Variants in LRCH1 observed in about 807,000 individuals in gnomAD.
LRCH1 encodes the protein leucine rich repeats and calponin homology domain containing 1, also known as leucine-rich repeat and calponin homology domain-containing protein 1.
LRCH1 carries 23 observed loss-of-function variants against 94.9 expected under a neutral mutation model. The observed-to-expected ratio is 0.24, with a 90% CI of 0.17 to 0.34. LRCH1 has a LOEUF of 0.34. Among genes scored for constraint, LRCH1 ranks in the 10% least tolerant of loss-of-function variants. LRCH1 has a pLI of 1.00. For synonymous variants in LRCH1, 364 were observed against 354.9 expected (o/e 1.03, Z -0.29); for missense variants, 790 against 945.9 (o/e 0.84, Z 2.16).
Position 46,638,255 on chromosome 13 carries a change from GA to G in LRCH1, c.308-11944del, listed in dbSNP as rs1194824572. On this transcript the variant is annotated intron_variant, in intron 1 of 19. Coordinates refer to ENST00000389797, the MANE Select transcript of LRCH1 (RefSeq NM_001164211.2). ...ACATTAAATATATTACAGTAGCTTT[GA>G]ATTTTCTGAATTATATTTACTTAAA... Among the ~76,000 whole-genome samples, 5 of 152,188 alleles carry G rather than the reference GA, an allele frequency of 3.3e-5. No individual in the cohort carries two copies. In the South Asian group the frequency reaches 1.0e-3, roughly 32 times the overall value.
At chr13:46,657,514 T>C (rs2051389388) in intron 2 of LRCH1, among the ~76,000 whole-genome samples, 5 of 49,300 alleles carry the variant, frequency 1.0e-4, no homozygotes, top group Admixed American at 4.0e-4. Context: ...TTTTTTTTTT[T>C]TTTTTTTTTT....
At chr13:46,695,790 G>A (rs1161797219) in intron 9 of LRCH1, among the ~76,000 whole-genome samples, 1 of 152,156 alleles carries the variant, frequency 6.6e-6, no homozygotes, top group African/African-American at 2.4e-5. Flanking sequence ...TGAGCATTGT[G>A]TCCTGATGGC....
At chr13:46,631,347 G>C (rs2138044744) in intron 1 of LRCH1, among the ~76,000 whole-genome samples, 1 of 152,204 alleles carries the variant, frequency 6.6e-6, no homozygotes, top group South Asian at 2.1e-4. Context: ...CTTGGGGTTT[G>C]TCCCTCATAT....
Position 46,553,836 on chromosome 13 carries a change from G to T in LRCH1, c.307+133G>T, listed in dbSNP as rs2050031356. 5 of 1,495,534 alleles carry T rather than the reference G, an allele frequency of 3.3e-6. No individual in the cohort carries two copies. The Admixed American group carries it at 6.4e-5, about 19-fold the overall frequency. 92.6% of individuals were successfully genotyped at this position (1,495,534 alleles called of 1,614,324 possible). A position where few individuals can be genotyped will look rare whatever the true frequency, so the allele number is the denominator to read the frequency against. On this transcript the variant is annotated intron_variant, in intron 1 of 19. Transcript: ENST00000389797. ...AGGGTCCATCGGCCCGTTGTCTCCC[G>T]AAGAAGGGACTCGCGTGGGCGCGGA... is the stretch of plus-strand genomic sequence containing the variant.
At chr13:46,724,974 A>G (rs1483852600) in intron 17 of LRCH1, among the ~76,000 whole-genome samples, 1 of 152,248 alleles carries the variant, frequency 6.6e-6, no homozygotes, top group Non-Finnish European at 1.5e-5. Flanking sequence ...TCAACAATGG[A>G]TTGGATAAAG....
At chr13:46,709,472 T>C (rs1295772758) in intron 13 of LRCH1, among the ~76,000 whole-genome samples, 2 of 152,198 alleles carry the variant, frequency 1.3e-5, no homozygotes, top group Non-Finnish European at 2.9e-5. Context: ...TCTGCTCTAA[T>C]TGGGCAGATT....
intron 7 of LRCH1, among the ~76,000 whole-genome samples, chr13:46,691,910 G>T (rs754868407): frequency 6.6e-6 from 1 of 151,842 alleles, no homozygotes; most frequent in Non-Finnish European, 1.5e-5. Context: ...GGATGGTCTC[G>T]ATCTCTTGAT....
At chr13:46,707,933 G>A (rs1871853711) in intron 13 of LRCH1, among the ~76,000 whole-genome samples, 1 of 152,168 alleles carries the variant, frequency 6.6e-6, no homozygotes, top group Non-Finnish European at 1.5e-5. Flanking sequence ...TGCATCCTGA[G>A]TGATGATGCA....
chr13:46,584,361 G>A (rs1376370018), intron 1 of LRCH1, among the ~76,000 whole-genome samples: 1 of 152,200 alleles, frequency 6.6e-6, no homozygotes, highest in Non-Finnish European at 1.5e-5. Context: ...GGAGCTGGTG[G>A]GAAATGCAGG....
Position 46,553,563 on chromosome 13 carries a change from A to G in LRCH1, c.167A>G (p.Asn56Ser), listed in dbSNP as rs1463480198. 11 of 1,548,810 alleles carry G rather than the reference A, an allele frequency of 7.1e-6. No homozygotes were observed. The highest frequency in any genetic ancestry group is 2.4e-5 in the South Asian group (2 of 83,988). Residue 56 changes from asparagine to serine, a missense_variant, in exon 1 of 20, where the codon AAC becomes AGC. Transcript: ENST00000389797. ...GGCGGCGGTGGCAGCGGGGGCTTCA[A>G]CCTGCCCTTGAACCGGGGTCTGGAG... ...GGGGGGSGGFNLPLNRGLERA... is the reference protein window; with the variant it reads ...GGGGGGSGGFSLPLNRGLERA...
At chr13:46,563,028 T>C (rs12865813) in intron 1 of LRCH1, among the ~76,000 whole-genome samples, 72,989 of 152,070 alleles carry the variant, frequency 0.48, 19,510 homozygotes, top group Middle Eastern at 0.59. Flanking sequence ...GGGTCACTTC[T>C]CACCAACATT....
Position 46,742,774 on chromosome 13 carries a change from G to A in LRCH1, c.*926G>A, listed in dbSNP as rs1444781705. On this transcript the variant is annotated 3_prime_UTR_variant, in exon 20 of 20. Coordinates refer to ENST00000389797, the MANE Select transcript of LRCH1 (RefSeq NM_001164211.2). ...TCATTTTCAAATAAAGCCATGAGCC[G>A]TGGAACATTCTTGGTCCTGGTGCTT... The A allele has an allele frequency of 4.8e-5, 47 of 985,298 alleles. No individual in the cohort carries two copies. The highest frequency in any genetic ancestry group is 5.1e-5 in the Non-Finnish European group (42 of 829,942). 61.0% of individuals were successfully genotyped at this position (985,298 alleles called of 1,614,324 possible).
At chr13:46,741,448 A>G (rs1873647253) in intron 19 of LRCH1, among the ~76,000 whole-genome samples, 194 bp from the exon 20 acceptor site, 1 of 152,216 alleles carries the variant, frequency 6.6e-6, no homozygotes, top group Non-Finnish European at 1.5e-5. Context: ...TTGGCACAAA[A>G]TAGGTATTCT....
At chr13:46,685,877 T>C (rs754334869) in intron 4 of LRCH1, 28 bp from the exon 5 acceptor site, 33 of 1,463,934 alleles carry the variant, frequency 2.3e-5, no homozygotes, top group Non-Finnish European at 2.7e-5. Flanking sequence ...GTTTTTTCTT[T>C]CTTTTTTTCT....
chr13:46,555,851 A>G (rs191193214), intron 1 of LRCH1, among the ~76,000 whole-genome samples: 8 of 152,376 alleles, frequency 5.3e-5, no homozygotes, highest in Admixed American at 3.9e-4. Flanking sequence ...GTCAAAAGCT[A>G]GGTGTAAACC....
chr13:46,579,108 C>G (rs2050336707), intron 1 of LRCH1, among the ~76,000 whole-genome samples: 1 of 152,146 alleles, frequency 6.6e-6, no homozygotes, highest in South Asian at 2.1e-4. Context: ...GTATGTAGCC[C>G]TTGGACTAAA....
chr13:46,752,965 A>G (rs1874202683), exon 19 of LRCH1: 1 of 152,156 alleles, frequency 6.6e-6, no homozygotes, highest in Non-Finnish European at 1.5e-5. Context: ...CAGTATCGTC[A>G]GTGGACAGAA....
chr13:46,720,962 A>G (rs1180868141), intron 16 of LRCH1, among the ~76,000 whole-genome samples: 2 of 152,334 alleles, frequency 1.3e-5, no homozygotes, highest in Middle Eastern at 3.4e-3. Flanking sequence ...TTAAGTGTTC[A>G]TTTTAAAAAA....
chr13:46,639,793 C>T (rs2051137068), intron 1 of LRCH1, among the ~76,000 whole-genome samples: 3 of 152,216 alleles, frequency 2.0e-5, no homozygotes, highest in Admixed American at 2.0e-4. Context: ...GGCTCTTCTG[C>T]ACCCTTGGGG....
Sources: gnomAD v4.1 joint callset for allele counts (sites outside exome capture counted in the v4.1 genomes callset) on GRCh38, gnomAD v4.1.1 for gene constraint, MANE v1.5 for transcripts, NCBI Gene and HGNC (gene_info 2026-07-23, HGNC 2026-07-21) for gene names.